The following MICU2 variants were observed in gnomAD, a reference collection of about 807,000 sequenced individuals.
MICU2 encodes mitochondrial calcium uptake 2, also known as calcium uptake protein 2, mitochondrial.
A neutral mutation model predicts 60.4 loss-of-function variants in MICU2; 64 were observed. That is an observed-to-expected ratio of 1.06 (90% CI 0.87 to 1.31). MICU2 has a LOEUF of 1.31. Among genes scored for constraint, MICU2 ranks in the 50% most tolerant of loss-of-function variants. The pLI is 0.00. For synonymous variants in MICU2, 201 were observed against 175.0 expected, an observed-to-expected ratio of 1.15 and a Z score of -1.17; for missense variants, 569 against 531.0, an observed-to-expected ratio of 1.07 and a Z score of -0.70.
At chr13:21,575,477 TG>T (rs1434914934) in intron 1 of MICU2, among the ~76,000 whole-genome samples, 1 of 148,724 alleles carries the variant, frequency 6.7e-6, no homozygotes, top group Admixed American at 6.7e-5. Flanking sequence ...AATCCCAGCA[TG>T]TTGGGAGGCC....
At chr13:21,560,594 G>A (rs186720135) in intron 2 of MICU2, among the ~76,000 whole-genome samples, 65 of 151,184 alleles carry the variant, frequency 4.3e-4, no homozygotes, top group African/African-American at 1.2e-3. Context: ...TTGTTTTTCC[G>A]TATAAATTTT....
chr13:21,577,472 C>T (rs923134790), intron 1 of MICU2, among the ~76,000 whole-genome samples: 2 of 151,812 alleles, frequency 1.3e-5, no homozygotes, highest in African/African-American at 4.8e-5. Context: ...CTGGGCAACA[C>T]AGCAAGACCC....
chr13:21,548,955 C>A (rs1258539447), intron 2 of MICU2, among the ~76,000 whole-genome samples: 2 of 117,628 alleles, frequency 1.7e-5, no homozygotes, highest in African/African-American at 3.2e-5. Context: ...GGGACGGAGT[C>A]TCCTTCTGTC....
At chr13:21,574,506 T>G (rs1888180698) in intron 1 of MICU2, among the ~76,000 whole-genome samples, 1 of 152,212 alleles carries the variant, frequency 6.6e-6, no homozygotes, top group African/African-American at 2.4e-5. Context: ...TTTCACTAGT[T>G]TATTGCCTCT....
intron 9 of MICU2, among the ~76,000 whole-genome samples, chr13:21,498,369 CTTTTTTTTTTTTTTTTTT>C (rs34890922): frequency 1.3e-5 from 1 of 78,544 alleles, no homozygotes; most frequent in African/African-American, 5.7e-5. Flanking sequence ...ATATCCTATT[CTTTTTTTTTTTTTTTTTT>C]TTTTTTTTTT....
At chr13:21,592,083 GT>G (rs1302361429) in intron 1 of MICU2, among the ~76,000 whole-genome samples, 1 of 151,486 alleles carries the variant, frequency 6.6e-6, no homozygotes, top group African/African-American at 2.4e-5. Context: ...CCAGGAGCTG[GT>G]TTTTTGAAAA....
chr13:21,495,804 G>A (rs1885981222), intron 10 of MICU2: 2 of 337,626 alleles, frequency 5.9e-6, no homozygotes, highest in Non-Finnish European at 1.1e-5. Flanking sequence ...AAAGTGCTGG[G>A]ATTACAGGCA....
chr13:21,509,943 T>G, intron 8 of MICU2, 61 bp downstream of exon 8: 1 of 917,422 alleles, frequency 1.1e-6, no homozygotes, highest in African/African-American at 1.9e-5. Flanking sequence ...GAATATATTC[T>G]GTTTCTCTTT....
At chr13:21,539,450 C>A in intron 3 of MICU2, 73 bp from the exon 4 acceptor site, 1 of 1,419,370 alleles carries the variant, frequency 7.0e-7, no homozygotes. Context: ...AGACGCCCAC[C>A]TCCATAGCCG....
chr13:21,519,486 C>T (rs1886662777), intron 6 of MICU2, among the ~76,000 whole-genome samples: 1 of 152,218 alleles, frequency 6.6e-6, no homozygotes, highest in African/African-American at 2.4e-5. Flanking sequence ...CACTGTTCTG[C>T]TCCTTCTCAG....
chr13:21,526,810 GA>G (rs35261213), intron 4 of MICU2, among the ~76,000 whole-genome samples: 85,162 of 149,840 alleles, frequency 0.57, 24,318 homozygotes, highest in African/African-American at 0.65. Flanking sequence ...GCAGCAATGG[GA>G]AAAAAAAAAA....
intron 1 of MICU2, among the ~76,000 whole-genome samples, chr13:21,598,159 G>C (rs1888736390): frequency 6.6e-6 from 1 of 151,828 alleles, no homozygotes; most frequent in Non-Finnish European, 1.5e-5. Flanking sequence ...TCAAACAGTA[G>C]TGGAAAAATT....
At chr13:21,510,987 G>A (rs759054186) in intron 7 of MICU2, among the ~76,000 whole-genome samples, 3 of 152,204 alleles carry the variant, frequency 2.0e-5, no homozygotes, top group Non-Finnish European at 2.9e-5. Flanking sequence ...CTTGAGCACA[G>A]TGAAGAAGGG....
At chr13:21,540,409 C>T (rs555988025) in intron 2 of MICU2, among the ~76,000 whole-genome samples, 55 of 152,244 alleles carry the variant, frequency 3.6e-4, no homozygotes, top group Middle Eastern at 6.8e-3. Flanking sequence ...ATATACAGCA[C>T]TAACTTTACT....
chr13:21,494,766 G>A (rs1489896740), intron 11 of MICU2, among the ~76,000 whole-genome samples: 1 of 152,076 alleles, frequency 6.6e-6, no homozygotes, highest in African/African-American at 2.4e-5. Flanking sequence ...GGCCTCAAGT[G>A]ATCCACCCGG....
chr13:21,551,345 A>G (rs1887557889), intron 2 of MICU2: 1 of 152,404 alleles, frequency 6.6e-6, no homozygotes, highest in South Asian at 2.1e-4. Context: ...TCATCCTTGC[A>G]TAGGGGCCAT....
chr13:21,507,468 G>C (rs1355291506), intron 8 of MICU2, among the ~76,000 whole-genome samples: 1 of 152,014 alleles, frequency 6.6e-6, no homozygotes, highest in Non-Finnish European at 1.5e-5. Context: ...TTGAGAGACT[G>C]ATATTTTAAA....
At chr13:21,568,957 G>A (rs1057040824) in intron 1 of MICU2, among the ~76,000 whole-genome samples, 3 of 151,916 alleles carry the variant, frequency 2.0e-5, no homozygotes, top group Admixed American at 1.3e-4. Flanking sequence ...TTTTGAAGAG[G>A]CTTCAGTCAG....
At chr13:21,587,324 G>C (rs1375961909) in intron 1 of MICU2, among the ~76,000 whole-genome samples, 3 of 152,204 alleles carry the variant, frequency 2.0e-5, no homozygotes, top group African/African-American at 7.2e-5. Context: ...ACTTATTAAT[G>C]AGTATAAAGT....
Sources: allele counts gnomAD v4.1 joint callset (sites outside exome capture counted in the v4.1 genomes callset), GRCh38; gene constraint gnomAD v4.1.1; transcripts MANE v1.5; gene names NCBI Gene and HGNC (gene_info 2026-07-23, HGNC 2026-07-21).